The following GRIK2 variants were observed in gnomAD, a reference collection of about 807,000 sequenced individuals.
The protein encoded by GRIK2 is glutamate ionotropic receptor kainate type subunit 2.
Under a neutral mutation model 100.3 loss-of-function variants are expected in GRIK2, and 32 were observed. The ratio of observed to expected loss-of-function variants is 0.32; its 90% CI spans 0.24 to 0.43. GRIK2 has a LOEUF of 0.43. GRIK2 is among the 20% of genes least tolerant of loss of function. The pLI is 1.00. For synonymous variants in GRIK2, 417 were observed against 389.4 expected, an observed-to-expected ratio of 1.07 and a Z score of -0.83; for missense variants, 843 against 1,114.9, an observed-to-expected ratio of 0.76 and a Z score of 3.47.
At chr6:101,803,844 G>A (rs965506216) in intron 9 of GRIK2, among the ~76,000 whole-genome samples, 85 of 151,886 alleles carry the variant, frequency 5.6e-4, no homozygotes, top group African/African-American at 1.9e-3. Context: ...TTACAGATAC[G>A]CCTGAATATA....
At chr6:101,719,471 G>A (rs1774319360) in intron 7 of GRIK2, among the ~76,000 whole-genome samples, 1 of 151,496 alleles carries the variant, frequency 6.6e-6, no homozygotes, top group Non-Finnish European at 1.5e-5. Context: ...CACCCAATGG[G>A]AGAAAGAAAA....
chr6:101,489,177 G>A (rs771410936), intron 2 of GRIK2, among the ~76,000 whole-genome samples: 1 of 145,796 alleles, frequency 6.9e-6, no homozygotes, highest in Non-Finnish European at 1.5e-5. Flanking sequence ...TAGGGAAGAG[G>A]GTTTACTCTT....
intron 11 of GRIK2, among the ~76,000 whole-genome samples, chr6:101,887,284 C>A (rs982800107): frequency 1.3e-5 from 2 of 151,962 alleles, no homozygotes; most frequent in African/African-American, 4.8e-5. Context: ...TTCAAAACAT[C>A]CTGTTGTGTA....
chr6:101,960,355 T>A (rs1425138413), intron 14 of GRIK2, among the ~76,000 whole-genome samples: 1 of 152,144 alleles, frequency 6.6e-6, no homozygotes, highest in African/African-American at 2.4e-5. Flanking sequence ...TAGTTTTGGA[T>A]CCATTGCTAG....
intron 14 of GRIK2, among the ~76,000 whole-genome samples, chr6:101,999,860 A>G (rs1794841965): frequency 6.6e-6 from 1 of 151,986 alleles, no homozygotes; most frequent in South Asian, 2.1e-4. Context: ...TTACTGAAAT[A>G]TTCTTTTTTA....
chr6:102,030,378 T>A (rs984268846), intron 14 of GRIK2, among the ~76,000 whole-genome samples: 1 of 151,320 alleles, frequency 6.6e-6, no homozygotes, highest in South Asian at 2.1e-4. Flanking sequence ...CTATTCTGGA[T>A]CTGCTCATCT....
At chr6:101,846,945 T>C (rs989043814) in intron 10 of GRIK2, among the ~76,000 whole-genome samples, 2 of 151,998 alleles carry the variant, frequency 1.3e-5, no homozygotes, top group Non-Finnish European at 2.9e-5. Context: ...TTTCAAATAA[T>C]CAAATTTTGG....
At chr6:101,466,987 C>G (rs1044279466) in intron 2 of GRIK2, among the ~76,000 whole-genome samples, 1 of 152,128 alleles carries the variant, frequency 6.6e-6, no homozygotes, top group Non-Finnish European at 1.5e-5. Flanking sequence ...GATCTAAGCA[C>G]CCGCTAATAT....
At chr6:102,024,278 G>A (rs1350294734) in intron 14 of GRIK2, among the ~76,000 whole-genome samples, 1 of 150,914 alleles carries the variant, frequency 6.6e-6, no homozygotes, top group Non-Finnish European at 1.5e-5. Flanking sequence ...TGACTTTCAG[G>A]AAATAAATTT....
intron 7 of GRIK2, among the ~76,000 whole-genome samples, chr6:101,781,048 T>C (rs890283557): frequency 1.3e-5 from 2 of 152,256 alleles, no homozygotes; most frequent in Non-Finnish European, 2.9e-5. Context: ...ATTATATGAT[T>C]CTATAATTTC....
intron 14 of GRIK2, among the ~76,000 whole-genome samples, chr6:101,933,445 T>G (rs2128473280): frequency 6.6e-6 from 1 of 152,160 alleles, no homozygotes; most frequent in Non-Finnish European, 1.5e-5. Flanking sequence ...TTTGTCATTT[T>G]GTTTGGCTAT....
intron 7 of GRIK2, among the ~76,000 whole-genome samples, chr6:101,786,251 G>T (rs975141749): frequency 4.2e-5 from 6 of 142,194 alleles, no homozygotes; most frequent in Non-Finnish European, 8.9e-5. Context: ...CCTGCAAAAG[G>T]GACAATTTGA....
chr6:101,526,853 T>C (rs961394637), intron 2 of GRIK2, among the ~76,000 whole-genome samples: 1 of 152,084 alleles, frequency 6.6e-6, no homozygotes, highest in Non-Finnish European at 1.5e-5. Context: ...AGGCAACACT[T>C]CTACCAGGTT....
intron 2 of GRIK2, among the ~76,000 whole-genome samples, chr6:101,593,319 A>G (rs1778764141): frequency 6.6e-6 from 1 of 151,876 alleles, no homozygotes; most frequent in Non-Finnish European, 1.5e-5. Flanking sequence ...ATTTCTCCCA[A>G]AGCTTCACTA....
chr6:101,515,859 T>G (rs1774560188), intron 2 of GRIK2, among the ~76,000 whole-genome samples: 2 of 152,178 alleles, frequency 1.3e-5, no homozygotes, highest in Admixed American at 1.3e-4. Context: ...TCTCCCACTC[T>G]GTGGGTTGTC....
chr6:101,817,293 AT>A (rs1781692704), intron 9 of GRIK2, among the ~76,000 whole-genome samples: 1 of 152,214 alleles, frequency 6.6e-6, no homozygotes, highest in African/African-American at 2.4e-5. Context: ...TTGTTAGCAT[AT>A]TTAGTTAGAA....
intron 2 of GRIK2, among the ~76,000 whole-genome samples, chr6:101,437,847 T>C (rs1194299192): frequency 6.6e-6 from 1 of 152,096 alleles, no homozygotes; most frequent in African/African-American, 2.4e-5. Context: ...ACTTCCCTTA[T>C]ATACCCTTCC....
chr6:101,826,784 T>A (rs1454079825), intron 10 of GRIK2, among the ~76,000 whole-genome samples: 1 of 151,760 alleles, frequency 6.6e-6, no homozygotes, highest in African/African-American at 2.4e-5. Context: ...GCATACCATT[T>A]AAAAAAAATG....
intron 14 of GRIK2, among the ~76,000 whole-genome samples, chr6:101,948,889 T>C (rs1791442890): frequency 6.6e-6 from 1 of 152,150 alleles, no homozygotes; most frequent in Non-Finnish European, 1.5e-5. Context: ...GCAAATTTAA[T>C]TTGCACCTGG....
Sources: gnomAD v4.1 joint callset for allele counts (sites outside exome capture counted in the v4.1 genomes callset) on GRCh38, gnomAD v4.1.1 for gene constraint, MANE v1.5 for transcripts, NCBI Gene and HGNC (gene_info 2026-07-23, HGNC 2026-07-21) for gene names.